The following FSIP1 variants were observed in gnomAD, a reference collection of about 807,000 sequenced individuals.
FSIP1 encodes fibrous sheath-interacting protein 1.
A neutral mutation model predicts 60.9 loss-of-function variants in FSIP1; 65 were observed. The ratio of observed to expected loss-of-function variants is 1.07; its 90% confidence interval spans 0.87 to 1.31. FSIP1 has a LOEUF of 1.31. Ranked by LOEUF, FSIP1 falls within the 40% of genes most tolerant of loss-of-function variation. The probability of loss-of-function intolerance (pLI) is 0.00; values close to 1 mark genes in which losing one functional copy is unlikely to be tolerated. For synonymous variants in FSIP1, 209 were observed against 221.2 expected (o/e 0.94, Z 0.49); for missense variants, 675 against 665.5 (o/e 1.01, Z -0.16).
chr15:39,769,136 G>A lies in FSIP1; in HGVS notation c.310+1291C>T, dbSNP rs573824039. On this transcript the variant is annotated intron_variant, in intron 3 of 11. Coordinates refer to ENST00000350221, the MANE Select transcript of FSIP1 (RefSeq NM_152597.5). ...CTACTAAAAATACAAAAAATTAGCCGGGCGTGGTAGCGGGCGCCTGTAGTC... is the reference window on the plus strand; with the variant it reads ...CTACTAAAAATACAAAAAATTAGCCAGGCGTGGTAGCGGGCGCCTGTAGTC... 1.4e-3 allele frequency among the ~76,000 whole-genome samples: 207 copies of A among 152,060 alleles called. No homozygotes were observed. In the South Asian group the frequency reaches 0.027, roughly 20 times the overall value.
chr15:39,778,967 A>C (rs1207004158), intron 1 of FSIP1, among the ~76,000 whole-genome samples: 2 of 152,164 alleles, frequency 1.3e-5, no homozygotes, highest in South Asian at 4.1e-4. Context: ...CGTGATACTA[A>C]GAATATAAAT....
intron 5 of FSIP1, chr15:39,747,338 T>C (rs1176757717): frequency 4.6e-5 from 7 of 152,236 alleles, no homozygotes; most frequent in Non-Finnish European, 1.0e-4. Flanking sequence ...TCTGTTAATA[T>C]AATCTGGACT....
intron 10 of FSIP1, among the ~76,000 whole-genome samples, chr15:39,662,060 T>C (rs1893317004): frequency 6.6e-6 from 1 of 152,114 alleles, no homozygotes; most frequent in Non-Finnish European, 1.5e-5. Flanking sequence ...AGCAGGGCAG[T>C]ATCTAGTTTT....
At chr15:39,668,086 A>T (rs1383998970) in intron 10 of FSIP1, among the ~76,000 whole-genome samples, 1 of 152,104 alleles carries the variant, frequency 6.6e-6, no homozygotes, top group African/African-American at 2.4e-5. Flanking sequence ...AACTTAGGAT[A>T]ATAATGGTAG....
intron 5 of FSIP1, among the ~76,000 whole-genome samples, chr15:39,754,677 G>A (rs1897253669): frequency 6.6e-6 from 1 of 152,060 alleles, no homozygotes; most frequent in African/African-American, 2.4e-5. Context: ...GACTAGGTGG[G>A]TGATGAAACC....
chr15:39,756,439 G>T (rs1897302719), intron 5 of FSIP1, among the ~76,000 whole-genome samples: 1 of 152,038 alleles, frequency 6.6e-6, no homozygotes, highest in Non-Finnish European at 1.5e-5. Flanking sequence ...GCAATGGCAT[G>T]ACTGCAGTCT....
intron 10 of FSIP1, among the ~76,000 whole-genome samples, chr15:39,686,969 G>C (rs1894396262): frequency 6.6e-6 from 1 of 152,076 alleles, no homozygotes; most frequent in South Asian, 2.1e-4. Context: ...AGCTACAAAT[G>C]GCTGGGTCCC....
chr15:39,720,317 T>G (rs1196087871), intron 9 of FSIP1, among the ~76,000 whole-genome samples: 2 of 152,234 alleles, frequency 1.3e-5, no homozygotes, highest in Admixed American at 1.3e-4. Context: ...ACAATTTTCC[T>G]CAATCAAATG....
At chr15:39,637,884 G>C (rs1477303265) in intron 10 of FSIP1, among the ~76,000 whole-genome samples, 5 of 152,148 alleles carry the variant, frequency 3.3e-5, no homozygotes, top group Non-Finnish European at 2.9e-5. Context: ...ATTTTTATGT[G>C]AGCCAAAGTT....
At chr15:39,663,861 C>T (rs115329308) in intron 10 of FSIP1, among the ~76,000 whole-genome samples, 1,685 of 152,278 alleles carry the variant, frequency 0.011, 31 homozygotes, top group African/African-American at 0.033. Flanking sequence ...TCTACTTCAT[C>T]GGCAAGAAAA....
intron 9 of FSIP1, among the ~76,000 whole-genome samples, chr15:39,722,048 C>G (rs1329065484): frequency 6.6e-6 from 1 of 152,150 alleles, no homozygotes; most frequent in East Asian, 1.9e-4. Flanking sequence ...GAGCGGCAGG[C>G]CCAAGTTCAA....
chr15:39,740,614 C>T (rs1311277280), intron 6 of FSIP1, among the ~76,000 whole-genome samples: 1 of 152,044 alleles, frequency 6.6e-6, no homozygotes, highest in East Asian at 1.9e-4. Context: ...AGGAAAAAAA[C>T]ACCAGTCACA....
chr15:39,780,360 TA>T (rs1566925137), intron 1 of FSIP1, among the ~76,000 whole-genome samples: 1 of 152,002 alleles, frequency 6.6e-6, no homozygotes, highest in Non-Finnish European at 1.5e-5. Flanking sequence ...CCGTCTCTAC[TA>T]AAAATACAAA....
At chr15:39,765,279 A>G (rs533903958) in intron 4 of FSIP1, among the ~76,000 whole-genome samples, 2 of 132,896 alleles carry the variant, frequency 1.5e-5, no homozygotes, top group African/African-American at 5.8e-5. Flanking sequence ...TTGCTCTGTC[A>G]GCCAGGCTGG....
At chr15:39,678,723 C>G (rs1894042321) in intron 10 of FSIP1, among the ~76,000 whole-genome samples, 2 of 152,086 alleles carry the variant, frequency 1.3e-5, no homozygotes, top group African/African-American at 4.8e-5. Context: ...TCCCTAAAGT[C>G]AATAACTGTA....
chr15:39,671,996 G>A (rs1157098658), intron 10 of FSIP1, among the ~76,000 whole-genome samples: 1 of 152,156 alleles, frequency 6.6e-6, no homozygotes, highest in East Asian at 1.9e-4. Flanking sequence ...CCAGATACAG[G>A]TTCCACAAAC....
chr15:39,737,272 A>T (rs1404267023), intron 8 of FSIP1, among the ~76,000 whole-genome samples: 1 of 151,980 alleles, frequency 6.6e-6, no homozygotes, highest in African/African-American at 2.4e-5. Context: ...CCTCACCCCC[A>T]TTACATGCTG....
chr15:39,669,268 C>G (rs1893624050), intron 10 of FSIP1, among the ~76,000 whole-genome samples: 2 of 152,206 alleles, frequency 1.3e-5, no homozygotes. Flanking sequence ...GACTAGAAAC[C>G]CTTGCTGCAT....
intron 11 of FSIP1, among the ~76,000 whole-genome samples, chr15:39,608,964 C>T (rs994469079): frequency 2.0e-5 from 3 of 152,152 alleles, no homozygotes; most frequent in Non-Finnish European, 4.4e-5. Context: ...CAAGCCAGCA[C>T]AGCACCACAC....
Sources: allele counts gnomAD v4.1 joint callset (sites outside exome capture counted in the v4.1 genomes callset), GRCh38; gene constraint gnomAD v4.1.1; transcripts MANE v1.5; gene names NCBI Gene and HGNC (gene_info 2026-07-23, HGNC 2026-07-21).